CASTOR2: variants seen among roughly 807,000 people sequenced by gnomAD.
CASTOR2 encodes the protein GATS protein like 2.
In CASTOR2, 8 loss-of-function variants were observed where a neutral mutation model predicts 31.2. The observed-to-expected ratio is 0.26, with a 90% CI of 0.15 to 0.46. The LOEUF (loss-of-function observed/expected upper bound fraction) is 0.46. CASTOR2 is among the 20% of genes least tolerant of loss of function. The pLI, the probability that CASTOR2 is intolerant of heterozygous loss-of-function variation, is 0.99. For synonymous variants in CASTOR2, 162 were observed against 158.7 expected, an observed-to-expected ratio of 1.02 and a Z score of -0.16; for missense variants, 216 against 382.1, an observed-to-expected ratio of 0.57 and a Z score of 3.62.
intron 1 of CASTOR2, among the ~76,000 whole-genome samples, chr7:74,975,691 CAAA>C (rs1178211684): frequency 1.5e-5 from 1 of 67,550 alleles, no homozygotes; most frequent in Non-Finnish European, 3.0e-5. Flanking sequence ...GACTCCATGT[CAAA>C]AAAAAAAAAA....
At chr7:75,019,472 C>T (rs1260776030) in intron 5 of CASTOR2, among the ~76,000 whole-genome samples, 3 of 152,006 alleles carry the variant, frequency 2.0e-5, no homozygotes, top group Admixed American at 6.6e-5. Context: ...GACATGGACC[C>T]GCCCTGGAAC....
chr7:75,014,589 C>T (rs1332003152), intron 2 of CASTOR2, among the ~76,000 whole-genome samples: 6 of 151,962 alleles, frequency 3.9e-5, no homozygotes, highest in South Asian at 2.1e-4. Flanking sequence ...AAGACACTCT[C>T]GCTCAAAAAA....
chr7:75,021,823 G>C, intron 6 of CASTOR2, 51 bp from the exon 7 acceptor site: 2 of 1,548,992 alleles, frequency 1.3e-6, no homozygotes, highest in Non-Finnish European at 1.7e-6. Flanking sequence ...CACCAAGGAG[G>C]GAGTGCAATT....
chr7:75,029,747 G>T lies in CASTOR2; in HGVS notation c.*5048G>T, dbSNP rs2131964695. On this transcript the variant is annotated 3_prime_UTR_variant, in exon 9 of 9. Transcript: ENST00000616305. ...GCTCCGAGCAGGGCCTGGAGCATTGGAGACATTGGTTAGTGTAATAGGCAG... is the reference window on the plus strand; with the variant it reads ...GCTCCGAGCAGGGCCTGGAGCATTGTAGACATTGGTTAGTGTAATAGGCAG... Among the ~76,000 whole-genome samples, 1 of 152,328 alleles carries T rather than the reference G, an allele frequency of 6.6e-6. No individual in the cohort carries two copies. The highest frequency in any genetic ancestry group is 2.1e-4 in the South Asian group (1 of 4,828).
rs1486561763 is a variant in CASTOR2, at chr7:75,027,543, G to A, written c.*2844G>A. ...TTGTTTTTTGTAACCTGCAAGCTTAGAAATCTCAGGTTGTGCTCCTGGGGC... is the reference window on the plus strand; with the variant it reads ...TTGTTTTTTGTAACCTGCAAGCTTAAAAATCTCAGGTTGTGCTCCTGGGGC... On this transcript the variant is annotated 3_prime_UTR_variant, in exon 9 of 9. Coordinates refer to ENST00000616305, the MANE Select transcript of CASTOR2 (RefSeq NM_001145064.3). 1 of 161,082 alleles carries A rather than the reference G, an allele frequency of 6.2e-6. No individual in the cohort carries two copies. Among genetic ancestry groups the A allele is most frequent in the African/African-American group, 2.4e-5 (1 of 41,474 alleles). The allele number at this position is 161,082 out of a possible 1,614,324, so 10.0% of individuals were successfully genotyped here.
At chr7:74,972,703 A>G (rs1310725847) in intron 1 of CASTOR2, among the ~76,000 whole-genome samples, 1 of 150,726 alleles carries the variant, frequency 6.6e-6, no homozygotes, top group Non-Finnish European at 1.5e-5. Flanking sequence ...TTTTTGAGAC[A>G]GAGTCTTGCT....
chr7:75,004,604 G>A (rs1804568401), intron 1 of CASTOR2, among the ~76,000 whole-genome samples: 1 of 151,992 alleles, frequency 6.6e-6, no homozygotes, highest in South Asian at 2.1e-4. Context: ...CCACCACCAC[G>A]CCGGGCTAAT....
intron 1 of CASTOR2, among the ~76,000 whole-genome samples, chr7:74,965,850 T>TCACACACACACACA (rs1177991219): frequency 3.8e-4 from 4 of 10,596 alleles, no homozygotes; most frequent in African/African-American, 4.9e-4. Flanking sequence ...AAAGAGGGAA[T>TCACACACACACACA]CACACACACA....
intron 2 of CASTOR2, among the ~76,000 whole-genome samples, chr7:75,010,252 T>C (rs1584473101): frequency 6.6e-6 from 1 of 151,836 alleles, no homozygotes; most frequent in Non-Finnish European, 1.5e-5. Context: ...GAAGAAAACA[T>C]GTCAGAGGAG....
intron 1 of CASTOR2, among the ~76,000 whole-genome samples, chr7:75,001,485 C>G (rs1381918356): frequency 3.3e-5 from 5 of 152,178 alleles, no homozygotes; most frequent in Non-Finnish European, 5.9e-5. Context: ...GCCACAAACC[C>G]CGGGGGCCCG....
chr7:75,019,501 C>T (rs1563064228), intron 5 of CASTOR2, among the ~76,000 whole-genome samples: 1 of 152,140 alleles, frequency 6.6e-6, no homozygotes, highest in African/African-American at 2.4e-5. Context: ...GGGGGAGACA[C>T]AGCTCTACCT....
In CASTOR2 at chr7:75,024,663, C is replaced by T; in HGVS notation, c.954C>T (p.Ile318=). ...LVPEENINGV[I]SALKVSQAEK... is the part of the protein sequence containing the mutation. ...CCGAAGAGAACATCAATGGTGTCAT[C>T]AGTGCCCTGAAGGTCAGCCAAGCAG... The change falls in exon 9 of 9, where the codon ATC becomes ATT. Residue 318 remains isoleucine (I), a synonymous_variant. Coordinates refer to ENST00000616305, the MANE Select transcript of CASTOR2 (RefSeq NM_001145064.3). The T allele has an allele frequency of 6.4e-7, 1 of 1,551,646 alleles. No homozygotes were observed. Among genetic ancestry groups the T allele is most frequent in the Non-Finnish European group, 8.7e-7 (1 of 1,146,858 alleles).
rs1436464435 is a variant in CASTOR2, at chr7:74,977,071, C to T, written c.113+11973C>T. Reference sequence around the variant, plus strand: ...TGGTGGTGGGCGCCTGTAATCCCAGCTACTGGGGAGGCTGAGGCAGGAGAA... The same window carrying T: ...TGGTGGTGGGCGCCTGTAATCCCAGTTACTGGGGAGGCTGAGGCAGGAGAA... On this transcript the variant is annotated intron_variant, in intron 1 of 8. Coordinates refer to ENST00000616305, the MANE Select transcript of CASTOR2 (RefSeq NM_001145064.3). 5.5e-4 allele frequency among the ~76,000 whole-genome samples: 83 copies of T among 150,048 alleles called. 1 individual carries two copies. Among genetic ancestry groups the T allele is most frequent in the African/African-American group, 2.0e-3 (80 of 40,486 alleles).
Position 75,018,997 on chromosome 7 carries a change from G to A in CASTOR2, c.537G>A (p.Leu179=). ...KLVQRPVIHP[L]SSPSNRFCVT... ...TCCAGAGGCCAGTCATCCACCCACT[G>A]TCCAGCCCGAGCAACAGGTTCTGTG... is the stretch of plus-strand genomic sequence containing the variant. Residue 179 remains leucine (L), a synonymous_variant, in exon 5 of 9, where the codon CTG becomes CTA. Coordinates refer to ENST00000616305, the MANE Select transcript of CASTOR2 (RefSeq NM_001145064.3). The A allele has an allele frequency of 6.4e-7, 1 of 1,552,000 alleles. No individual in the cohort carries two copies.
rs1584481316 is a variant in CASTOR2, at chr7:75,027,721, T to G, written c.*3022T>G. The G allele has an allele frequency of 1.2e-5, 5 of 406,380 alleles. No homozygotes were observed. In the East Asian group the frequency reaches 2.8e-4, roughly 23 times the overall value. 25.2% of individuals were successfully genotyped at this position (406,380 alleles called of 1,614,324 possible). On this transcript the variant is annotated 3_prime_UTR_variant, in exon 9 of 9. Coordinates refer to ENST00000616305, the MANE Select transcript of CASTOR2 (RefSeq NM_001145064.3). The stretch of plus-strand genomic sequence containing the variant: ...AGCTGCCCCCTGGGGACCCTGCTCC[T>G]CGGTCACAGGGGGCCCCTTTAGTTT...
intron 2 of CASTOR2, among the ~76,000 whole-genome samples, chr7:75,009,262 C>CT (rs1161937896): frequency 0.18 from 10,769 of 60,170 alleles, 2,910 homozygotes; most frequent in African/African-American, 0.32. Context: ...GGCCTGAGAA[C>CT]TTTTTTTTTT....
intron 1 of CASTOR2, among the ~76,000 whole-genome samples, chr7:74,967,438 C>T (rs1363989984): frequency 2.7e-5 from 4 of 148,338 alleles, no homozygotes; most frequent in African/African-American, 4.9e-5. Context: ...TCCCTGCCCC[C>T]AGGTGGTGAC....
intron 1 of CASTOR2, among the ~76,000 whole-genome samples, chr7:75,003,511 G>A (rs1367461890): frequency 1.1e-4 from 16 of 151,996 alleles, no homozygotes; most frequent in African/African-American, 3.9e-4. Flanking sequence ...AGCACTTTGG[G>A]AGGCCGAGGC....
At chr7:75,002,493 C>T (rs1584470004) in intron 1 of CASTOR2, among the ~76,000 whole-genome samples, 3 of 151,824 alleles carry the variant, frequency 2.0e-5, no homozygotes, top group South Asian at 2.1e-4. Flanking sequence ...TGGTGGCAGG[C>T]GCCTGTAATC....
Sources: gnomAD v4.1 joint callset for allele counts (sites outside exome capture counted in the v4.1 genomes callset) on GRCh38, gnomAD v4.1.1 for gene constraint, MANE v1.5 for transcripts, NCBI Gene and HGNC (gene_info 2026-07-23, HGNC 2026-07-21) for gene names.